The following COL4A5 variants were observed in gnomAD, a reference collection of about 807,000 sequenced individuals.
COL4A5 encodes the protein collagen alpha-5(IV) chain.
A neutral mutation model predicts 130.2 loss-of-function variants in COL4A5; 26 were observed. That is an observed-to-expected ratio of 0.20 (90% CI 0.15 to 0.28). COL4A5 has a LOEUF of 0.28. COL4A5 is among the 10% of genes least tolerant of loss of function. The pLI is 1.00. For synonymous variants in COL4A5, 496 were observed against 439.6 expected (o/e 1.13, Z -1.60); for missense variants, 1,131 against 1,344.3 (o/e 0.84, Z 2.48).
intron 44 of COL4A5, 46 bp from the exon 45 acceptor site, chrX:108,680,633 C>T: frequency 9.2e-7 from 1 of 1,083,640 alleles, no homozygotes; most frequent in Non-Finnish European, 1.3e-6. Context: ...CACCTTCCTC[C>T]CCTCGCTGCA....
chrX:108,688,676 C>T (rs2068593687), intron 49 of COL4A5, among the ~76,000 whole-genome samples: 1 of 111,665 alleles, frequency 9.0e-6, no homozygotes, highest in South Asian at 3.7e-4. Flanking sequence ...ACCTCGTGAT[C>T]TGCCCACCTC....
chrX:108,547,849 G>A (rs898385860), intron 2 of COL4A5, among the ~76,000 whole-genome samples: 2 of 111,619 alleles, frequency 1.8e-5, no homozygotes, highest in South Asian at 3.8e-4. Context: ...CTTGCAGTTC[G>A]ATCTCAGACT....
At chrX:108,619,751 A>G (rs2067002165) in intron 30 of COL4A5, among the ~76,000 whole-genome samples, 1 of 112,230 alleles carries the variant, frequency 8.9e-6, no homozygotes, top group Non-Finnish European at 1.9e-5. Flanking sequence ...AGAGATGTGT[A>G]CTAATAATTT....
intron 28 of COL4A5, among the ~76,000 whole-genome samples, chrX:108,604,479 A>G (rs761426432): frequency 8.9e-6 from 1 of 112,143 alleles, no homozygotes; most frequent in Admixed American, 9.4e-5. Context: ...TAAAATAGCC[A>G]GTACACTATG....
At chrX:108,543,274 A>T (rs1021790574) in intron 2 of COL4A5, among the ~76,000 whole-genome samples, 15 of 111,541 alleles carry the variant, frequency 1.3e-4, no homozygotes, top group Non-Finnish European at 2.4e-4. Flanking sequence ...TGCCTTGAAT[A>T]AATTTTTGTA....
chrX:108,558,490 C>CT (rs2065859292), intron 2 of COL4A5, among the ~76,000 whole-genome samples: 1 of 110,861 alleles, frequency 9.0e-6, no homozygotes, highest in Admixed American at 9.6e-5. Flanking sequence ...ATAAAGGCTG[C>CT]GGTTAGAACT....
chrX:108,646,435 T>C (rs1423040007), intron 36 of COL4A5, among the ~76,000 whole-genome samples: 8 of 111,469 alleles, frequency 7.2e-5, no homozygotes, highest in Admixed American at 9.5e-5. Flanking sequence ...TTGTTTGTTT[T>C]TTTCTTGTAA....
At chrX:108,575,784 TTGA>T in intron 9 of COL4A5, 123 bp from the exon 10 acceptor site, 2 of 500,394 alleles carry the variant, frequency 4.0e-6, no homozygotes, top group Non-Finnish European at 7.1e-6. Context: ...TCGCAGTGAG[TTGA>T]GATCATGCCA....
intron 44 of COL4A5, among the ~76,000 whole-genome samples, chrX:108,679,019 T>C (rs1187540460): frequency 1.8e-5 from 2 of 112,118 alleles, no homozygotes; most frequent in Non-Finnish European, 3.8e-5. Context: ...TATTCATAAT[T>C]AGATTCAGGT....
At chrX:108,479,655 C>T (rs886593406) in intron 1 of COL4A5, among the ~76,000 whole-genome samples, 1 of 111,775 alleles carries the variant, frequency 8.9e-6, no homozygotes, top group Non-Finnish European at 1.9e-5. Context: ...TCATTTGACC[C>T]ACTTCCTCAC....
At chrX:108,489,854 C>T (rs2064979082) in intron 1 of COL4A5, among the ~76,000 whole-genome samples, 1 of 111,645 alleles carries the variant, frequency 9.0e-6, no homozygotes, top group Non-Finnish European at 1.9e-5. Flanking sequence ...TTGAAATGTG[C>T]AATTAAAGTT....
chrX:108,655,259 A>C, intron 36 of COL4A5, 72 bp from the exon 37 acceptor site: 1 of 1,137,206 alleles, frequency 8.8e-7, no homozygotes. Context: ...AAGCTCTATA[A>C]ATAATGTTAT....
intron 1 of COL4A5, among the ~76,000 whole-genome samples, chrX:108,467,733 T>C (rs2064721203): frequency 8.9e-6 from 1 of 111,942 alleles, no homozygotes; most frequent in Non-Finnish European, 1.9e-5. Flanking sequence ...AATTTATTCC[T>C]AGGTGTGTTT....
intron 1 of COL4A5, among the ~76,000 whole-genome samples, chrX:108,538,592 G>A (rs1309910995): frequency 9.0e-6 from 1 of 111,335 alleles, no homozygotes; most frequent in Non-Finnish European, 1.9e-5. Context: ...CTAGAGTAAA[G>A]GAAATCATGG....
At chrX:108,604,846 G>A (rs1247047336) in intron 28 of COL4A5, among the ~76,000 whole-genome samples, 2 of 112,041 alleles carry the variant, frequency 1.8e-5, no homozygotes, top group South Asian at 7.4e-4. Context: ...GCTTCACCTT[G>A]CACTTTTATG....
At chrX:108,617,830 G>C (rs1280955364) in intron 30 of COL4A5, among the ~76,000 whole-genome samples, 1 of 110,896 alleles carries the variant, frequency 9.0e-6, no homozygotes, top group Non-Finnish European at 1.9e-5. Flanking sequence ...ATCAGCTAAA[G>C]AGGAAAAAAA....
Position 108,467,676 on chromosome X carries a change from C to T in COL4A5, c.81+27470C>T, listed in dbSNP as rs139805379. 3.6e-5 allele frequency among the ~76,000 whole-genome samples: 4 copies of T among 111,659 alleles called. No individual in the cohort carries two copies. The East Asian group carries it at 1.1e-3, about 31-fold the overall frequency. ...TTAGGTTTTCTTTAATTTCTTTCCT[C>T]ATTGTTTTCTAGTTTTCTGTGTACA... On this transcript the variant is annotated intron_variant, in intron 1 of 52. Transcript: ENST00000328300.
intron 47 of COL4A5, among the ~76,000 whole-genome samples, chrX:108,685,260 C>T (rs1263913644): frequency 8.9e-6 from 1 of 111,872 alleles, no homozygotes; most frequent in Non-Finnish European, 1.9e-5. Flanking sequence ...CATTGGAGAA[C>T]ATTTCCCTAG....
intron 1 of COL4A5, among the ~76,000 whole-genome samples, chrX:108,484,079 C>A (rs1239637167): frequency 8.9e-6 from 1 of 111,834 alleles, no homozygotes; most frequent in Non-Finnish European, 1.9e-5. Flanking sequence ...ATTCACTTTG[C>A]TGATAGTTTT....
Sources: gnomAD v4.1 joint callset for allele counts (sites outside exome capture counted in the v4.1 genomes callset) on GRCh38, gnomAD v4.1.1 for gene constraint, MANE v1.5 for transcripts, NCBI Gene and HGNC (gene_info 2026-07-23, HGNC 2026-07-21) for gene names.